Variants in ZNF267 observed in about 807,000 individuals in gnomAD.
ZNF267 encodes the protein zinc finger (C2H2).
ZNF267 carries 61 observed loss-of-function variants against 71.6 expected under a neutral mutation model. The observed-to-expected ratio is 0.85, with a 90% CI of 0.69 to 1.05. The LOEUF is 1.05. Among genes scored for constraint, ZNF267 ranks in the 50% least tolerant of loss-of-function variants. ZNF267 has a pLI of 0.00. For missense variants in ZNF267, 852 were observed against 870.0 expected (o/e 0.98, Z 0.26); for synonymous variants, 288 against 293.2 (o/e 0.98, Z 0.18).
intron 3 of ZNF267, among the ~76,000 whole-genome samples, chr16:31,889,736 G>T (rs2083947451): frequency 6.6e-6 from 1 of 152,166 alleles, no homozygotes; most frequent in South Asian, 2.1e-4. Flanking sequence ...AAGTTGGGAG[G>T]TGCTACACAC....
chr16:31,883,232 G>C (rs1004201093), intron 1 of ZNF267, among the ~76,000 whole-genome samples: 2 of 151,622 alleles, frequency 1.3e-5, no homozygotes, highest in African/African-American at 4.8e-5. Context: ...AAAAATACCA[G>C]ACTCAGAAAC....
chr16:31,903,441 A>G (rs1427334391), intron 3 of ZNF267, among the ~76,000 whole-genome samples: 2 of 152,150 alleles, frequency 1.3e-5, no homozygotes, highest in Non-Finnish European at 2.9e-5. Context: ...TTGGTAAGCT[A>G]TTAATTATTG....
At position 31,915,022 on chromosome 16, in the gene ZNF267, A is replaced by G. The variant is rs748783634; in HGVS notation, c.773A>G (p.His258Arg). ...GAGGAAGTCTTTCTTCAGAGTATGC[A>G]TGGGCAAGAGAAACAAGAACAGTCT... ...EFEEVFLQSM[H>R]GQEKQEQSYK... The change falls in exon 4 of 4, where the codon CAT (histidine) becomes CGT (arginine). Residue 258 changes from histidine (H) to arginine (R), a missense_variant. His to Arg is a conservative substitution (Grantham distance 29, BLOSUM62 0). Transcript: ENST00000300870. 3.1e-6 allele frequency: 5 copies of G among 1,611,064 alleles called. No homozygotes were observed. The highest frequency in any genetic ancestry group is 3.4e-6 in the Non-Finnish European group (4 of 1,179,250).
At chr16:31,903,587 A>C (rs2084060676) in intron 3 of ZNF267, among the ~76,000 whole-genome samples, 1 of 152,174 alleles carries the variant, frequency 6.6e-6, no homozygotes, top group Non-Finnish European at 1.5e-5. Flanking sequence ...AGGTGTTTAT[A>C]GTATTCTCTG....
intron 3 of ZNF267, among the ~76,000 whole-genome samples, chr16:31,905,619 C>G (rs2084083057): frequency 6.6e-6 from 1 of 152,118 alleles, no homozygotes; most frequent in Non-Finnish European, 1.5e-5. Flanking sequence ...GTTCGTGTGC[C>G]TTGGTTTTCA....
At chr16:31,899,825 A>T (rs1475396353) in intron 3 of ZNF267, among the ~76,000 whole-genome samples, 1 of 152,200 alleles carries the variant, frequency 6.6e-6, no homozygotes, top group African/African-American at 2.4e-5. Context: ...TTATAAGCAT[A>T]TTATAAATGA....
intron 3 of ZNF267, among the ~76,000 whole-genome samples, chr16:31,910,166 T>TC: frequency 6.7e-6 from 1 of 148,298 alleles, no homozygotes; most frequent in African/African-American, 2.6e-5. Flanking sequence ...TGCTAACACT[T>TC]TGTTATTTTT....
intron 3 of ZNF267, among the ~76,000 whole-genome samples, chr16:31,886,761 T>C (rs2083927123): frequency 6.6e-6 from 1 of 152,226 alleles, no homozygotes; most frequent in South Asian, 2.1e-4. Context: ...TGTCAGAAAT[T>C]GCAGTACCTT....
At chr16:31,909,809 G>A (rs1309446912) in intron 3 of ZNF267, among the ~76,000 whole-genome samples, 1 of 152,176 alleles carries the variant, frequency 6.6e-6, no homozygotes, top group Non-Finnish European at 1.5e-5. Context: ...GAATAACAGT[G>A]TTGAAAGTGG....
At chr16:31,903,255 T>G (rs2084057621) in intron 3 of ZNF267, among the ~76,000 whole-genome samples, 1 of 152,208 alleles carries the variant, frequency 6.6e-6, no homozygotes, top group South Asian at 2.1e-4. Context: ...TCTCTTTTTT[T>G]GTTGTGTGTC....
chr16:31,904,936 T>C (rs1441886918), intron 3 of ZNF267, among the ~76,000 whole-genome samples: 1 of 152,222 alleles, frequency 6.6e-6, no homozygotes, highest in Non-Finnish European at 1.5e-5. Flanking sequence ...GTTGTTCCTT[T>C]CCATGTTTAG....
At chr16:31,897,977 T>C (rs759643143) in intron 3 of ZNF267, among the ~76,000 whole-genome samples, 42 of 152,192 alleles carry the variant, frequency 2.8e-4, no homozygotes, top group Non-Finnish European at 5.6e-4. Context: ...ATGTTAAGTC[T>C]AATTGTCTTT....
At chr16:31,895,681 A>G (rs547812644) in intron 3 of ZNF267, among the ~76,000 whole-genome samples, 1 of 152,274 alleles carries the variant, frequency 6.6e-6, no homozygotes, top group South Asian at 2.1e-4. Flanking sequence ...AACTGGAGTG[A>G]GGGGGTCCCA....
intron 1 of ZNF267, among the ~76,000 whole-genome samples, chr16:31,874,949 C>G (rs1400423405): frequency 1.3e-5 from 2 of 152,182 alleles, no homozygotes; most frequent in Non-Finnish European, 1.5e-5. Flanking sequence ...ATCATGATTT[C>G]ACAGAGCAGT....
At chr16:31,886,274 A>G (rs959729688) in intron 3 of ZNF267, among the ~76,000 whole-genome samples, 4 of 152,232 alleles carry the variant, frequency 2.6e-5, no homozygotes, top group Admixed American at 1.3e-4. Flanking sequence ...CTTAAGATGT[A>G]CACTGTTAAC....
chr16:31,875,740 A>T (rs2083848124), intron 1 of ZNF267, among the ~76,000 whole-genome samples: 1 of 152,194 alleles, frequency 6.6e-6, no homozygotes, highest in Admixed American at 6.5e-5. Context: ...GTATTCCAAC[A>T]GCATTACCAC....
intron 1 of ZNF267, among the ~76,000 whole-genome samples, chr16:31,876,350 C>T (rs2083852309): frequency 6.6e-6 from 1 of 151,874 alleles, no homozygotes; most frequent in Non-Finnish European, 1.5e-5. Flanking sequence ...GTAGATGGGA[C>T]TTACAGGGGT....
At chr16:31,894,637 G>A (rs1314292492) in intron 3 of ZNF267, 1 of 486,578 alleles carries the variant, frequency 2.1e-6, no homozygotes, top group East Asian at 5.5e-5. Flanking sequence ...AGCTTCGCTG[G>A]ACATGCCTGC....
chr16:31,876,898 G>A (rs1596612372), intron 1 of ZNF267, among the ~76,000 whole-genome samples: 1 of 152,032 alleles, frequency 6.6e-6, no homozygotes, highest in African/African-American at 2.4e-5. Context: ...TTCCCAGCCT[G>A]CTCACCCCAT....
Sources: allele counts gnomAD v4.1 joint callset (sites outside exome capture counted in the v4.1 genomes callset), GRCh38; gene constraint gnomAD v4.1.1; transcripts MANE v1.5; gene names NCBI Gene and HGNC (gene_info 2026-07-23, HGNC 2026-07-21).